The following SBF2 variants were observed in gnomAD, a reference collection of about 807,000 sequenced individuals.
SBF2 encodes SET binding factor 2, also known as myotubularin-related protein 13.
Under a neutral mutation model 225.2 loss-of-function variants are expected in SBF2, and 112 were observed. That is an observed-to-expected ratio of 0.50 (90% confidence interval 0.43 to 0.58). The LOEUF (loss-of-function observed/expected upper bound fraction) is 0.58. SBF2 is among the 20% of genes least tolerant of loss of function. SBF2 has a pLI of 0.00. For synonymous variants in SBF2, 763 were observed against 773.3 expected (o/e 0.99, Z 0.22); for missense variants, 1,996 against 2,206.2 (o/e 0.90, Z 1.91).
intron 13 of SBF2, among the ~76,000 whole-genome samples, chr11:9,986,033 C>T (rs1235129586): frequency 2.6e-5 from 4 of 152,120 alleles, no homozygotes; most frequent in Admixed American, 1.3e-4. Context: ...TATCATAGGA[C>T]ATAAAACAAG....
In SBF2 at chr11:10,042,936, G is replaced by A. The variant is rs1357785855; in HGVS notation, c.187C>T (p.Pro63Ser). 9.9e-6 allele frequency: 16 copies of A among 1,613,778 alleles called. No individual in the cohort carries two copies. The highest frequency in any genetic ancestry group is 1.4e-5 in the Non-Finnish European group (16 of 1,179,874). The change falls in exon 3 of 40, where the codon CCA becomes TCA. Residue 63 changes from proline to serine, a missense_variant. Coordinates refer to ENST00000256190, the MANE Select transcript of SBF2 (RefSeq NM_030962.4). ...GTCAGGACAACCACAAAGAACGTTG[G>A]CTGCTTCCTCTCTCTGGACAGCTGC... ...GWQLSRERKQ[P>S]TFFVVVLTDI...
intron 28 of SBF2, among the ~76,000 whole-genome samples, chr11:9,821,976 T>A (rs1854780990): frequency 6.6e-6 from 1 of 152,214 alleles, no homozygotes; most frequent in Non-Finnish European, 1.5e-5. Context: ...GCAATTTAAA[T>A]GCAAATGTCG....
intron 17 of SBF2, among the ~76,000 whole-genome samples, chr11:9,884,827 G>A (rs184990515): frequency 5.4e-4 from 82 of 152,178 alleles, no homozygotes; most frequent in African/African-American, 1.9e-3. Context: ...GTAATATTCT[G>A]GGAAAGGAAA....
chr11:10,014,974 T>C (rs992014008), intron 6 of SBF2, among the ~76,000 whole-genome samples: 3 of 151,762 alleles, frequency 2.0e-5, no homozygotes, highest in African/African-American at 7.3e-5. Context: ...TACTAAAAAA[T>C]ACAAAAATTA....
At chr11:10,086,382 G>A (rs1281085344) in intron 2 of SBF2, among the ~76,000 whole-genome samples, 9 of 152,108 alleles carry the variant, frequency 5.9e-5, no homozygotes, top group African/African-American at 2.2e-4. Flanking sequence ...AAGTGGACAA[G>A]GAAAGGCAAG....
At chr11:9,935,369 G>A (rs1230081562) in intron 16 of SBF2, among the ~76,000 whole-genome samples, 1 of 152,024 alleles carries the variant, frequency 6.6e-6, no homozygotes, top group African/African-American at 2.4e-5. Flanking sequence ...CGTGAAAATG[G>A]CCATACTGCC....
At chr11:10,146,449 C>G (rs1354418786) in intron 2 of SBF2, among the ~76,000 whole-genome samples, 2 of 151,758 alleles carry the variant, frequency 1.3e-5, no homozygotes, top group Non-Finnish European at 1.5e-5. Context: ...TTGAACAAAG[C>G]CGACAAAAAA....
At chr11:10,036,246 C>T (rs191660750) in intron 3 of SBF2, among the ~76,000 whole-genome samples, 2 of 152,178 alleles carry the variant, frequency 1.3e-5, no homozygotes, top group East Asian at 1.9e-4. Flanking sequence ...GAACATCACA[C>T]ACTGGGGCCT....
intron 9 of SBF2, 109 bp downstream of exon 9, chr11:9,998,155 GCT>G (rs1300849543): frequency 1.5e-6 from 1 of 684,392 alleles, no homozygotes; most frequent in African/African-American, 1.8e-5. Context: ...CAAATATATA[GCT>G]CTCTTTAAAT....
intron 2 of SBF2, among the ~76,000 whole-genome samples, chr11:10,069,323 C>A (rs907230784): frequency 6.0e-5 from 7 of 117,286 alleles, no homozygotes; most frequent in South Asian, 3.4e-4. Context: ...CCCCCACCCC[C>A]CAACAGGCCC....
chr11:10,295,964 A>G (rs1228641819), upstream of SBF2, among the ~76,000 whole-genome samples: 1 of 152,220 alleles, frequency 6.6e-6, no homozygotes, highest in Non-Finnish European at 1.5e-5. Context: ...CCAATGCTGT[A>G]CAACTACCAT....
At chr11:10,006,566 T>C (rs747052157) in intron 6 of SBF2, among the ~76,000 whole-genome samples, 1 of 152,198 alleles carries the variant, frequency 6.6e-6, no homozygotes, top group Non-Finnish European at 1.5e-5. Flanking sequence ...AAATTCTTCC[T>C]TTCCCATTTG....
rs190452554 is a variant in SBF2, at chr11:9,862,869, T to G, written c.1930-4473A>C. Among the ~76,000 whole-genome samples, 219 of 152,322 alleles carry G rather than the reference T, an allele frequency of 1.4e-3. 1 individual carries two copies. Among genetic ancestry groups the G allele is most frequent in the African/African-American group, 5.0e-3 (207 of 41,568 alleles). On this transcript the variant is annotated intron_variant, in intron 17 of 39. Coordinates refer to ENST00000256190, the MANE Select transcript of SBF2 (RefSeq NM_030962.4). The stretch of plus-strand genomic sequence containing the variant: ...ATACTAGCATCATAATCTTTTAATA[T>G]TGCACAAAGATGAGATTTAACTCAT...
At chr11:10,068,601 T>C (rs768173858) in intron 2 of SBF2, among the ~76,000 whole-genome samples, 3 of 152,218 alleles carry the variant, frequency 2.0e-5, no homozygotes, top group Non-Finnish European at 2.9e-5. Flanking sequence ...TGATATACCT[T>C]ACGTAGCTTT....
chr11:9,992,513 C>T lies in SBF2; in HGVS notation c.1198G>A (p.Glu400Lys), dbSNP rs201970985. The change falls in exon 12 of 40, where the codon GAG (glutamate) becomes AAG (lysine). Residue 400 changes from glutamate (E) to lysine (K), a missense_variant. Transcript: ENST00000256190. Reference sequence around the variant, plus strand: ...AGTACTTTAGTGAGGAAATCATTCTCGACCAAACCACGCTGCCCCAAGAAT... The same window carrying T: ...AGTACTTTAGTGAGGAAATCATTCTTGACCAAACCACGCTGCCCCAAGAAT... ...TAFLGQRGLV[E>K]NDFLTKVLSG... The T allele has an allele frequency of 4.3e-6, 7 of 1,612,966 alleles. No homozygotes were observed. The highest frequency in any genetic ancestry group is 4.5e-5 in the East Asian group (2 of 44,754).
intron 17 of SBF2, among the ~76,000 whole-genome samples, chr11:9,888,246 C>G (rs1860497853): frequency 6.6e-6 from 1 of 152,134 alleles, no homozygotes; most frequent in African/African-American, 2.4e-5. Flanking sequence ...ACCTATAACT[C>G]CAACACTTGG....
intron 3 of SBF2, among the ~76,000 whole-genome samples, chr11:10,037,751 A>G (rs554678272): frequency 6.7e-6 from 1 of 150,206 alleles, no homozygotes; most frequent in Non-Finnish European, 1.5e-5. Flanking sequence ...ATAGTTTACT[A>G]TGATAAAGAG....
intron 16 of SBF2, among the ~76,000 whole-genome samples, chr11:9,898,729 A>G (rs994220562): frequency 6.6e-6 from 1 of 152,224 alleles, no homozygotes; most frequent in African/African-American, 2.4e-5. Context: ...TATGGCTCAC[A>G]TTCTGTGACC....
intron 2 of SBF2, among the ~76,000 whole-genome samples, chr11:10,164,773 A>G (rs1290263896): frequency 6.6e-6 from 1 of 151,024 alleles, no homozygotes; most frequent in Non-Finnish European, 1.5e-5. Flanking sequence ...CATGCAACAT[A>G]GAGGATGTTA....
Sources: allele counts gnomAD v4.1 joint callset (sites outside exome capture counted in the v4.1 genomes callset), GRCh38; gene constraint gnomAD v4.1.1; transcripts MANE v1.5; gene names NCBI Gene and HGNC (gene_info 2026-07-23, HGNC 2026-07-21).